The following ZBTB20 variants were observed in gnomAD, a reference collection of about 807,000 sequenced individuals.
The protein encoded by ZBTB20 is zinc finger and BTB domain-containing protein 20.
A neutral mutation model predicts 56.9 loss-of-function variants in ZBTB20; 9 were observed. That is an observed-to-expected ratio of 0.16 (90% CI 0.10 to 0.28). The LOEUF is 0.28. Ranked by LOEUF, ZBTB20 falls within the 10% of genes least tolerant of loss-of-function variation. The pLI is 1.00. For synonymous variants in ZBTB20, 417 were observed against 420.7 expected (o/e 0.99, Z 0.11); for missense variants, 655 against 1,003.0 (o/e 0.65, Z 4.69).
chr3:114,922,723 T>C (rs375732029), intron 3 of ZBTB20, among the ~76,000 whole-genome samples: 14 of 152,296 alleles, frequency 9.2e-5, no homozygotes, highest in African/African-American at 3.4e-4. Context: ...GTGAAGCCAG[T>C]GTGTGGAGAT....
At chr3:115,031,760 C>A (rs1287076250) in intron 2 of ZBTB20, among the ~76,000 whole-genome samples, 1 of 151,396 alleles carries the variant, frequency 6.6e-6, no homozygotes, top group Non-Finnish European at 1.5e-5. Flanking sequence ...TGACATTGCA[C>A]AGGAAATCAT....
chr3:115,051,611 T>C (rs897903491), intron 2 of ZBTB20, among the ~76,000 whole-genome samples: 1 of 152,198 alleles, frequency 6.6e-6, no homozygotes, highest in Non-Finnish European at 1.5e-5. Flanking sequence ...TTTCCTAAAT[T>C]GGCGAGAAAT....
At chr3:114,821,035 C>T (rs528249990) in intron 4 of ZBTB20, among the ~76,000 whole-genome samples, 2 of 152,180 alleles carry the variant, frequency 1.3e-5, no homozygotes, top group East Asian at 1.9e-4. Context: ...AGTGTATTTG[C>T]GTTTTCACAT....
intron 5 of ZBTB20, among the ~76,000 whole-genome samples, chr3:114,746,559 T>C (rs1337851971): frequency 2.0e-5 from 3 of 152,184 alleles, no homozygotes; most frequent in South Asian, 2.1e-4. Context: ...CTTCCCTTTA[T>C]TGATTTCTTG....
chr3:114,898,487 G>A (rs1247166027), intron 4 of ZBTB20, among the ~76,000 whole-genome samples: 1 of 152,058 alleles, frequency 6.6e-6, no homozygotes, highest in East Asian at 1.9e-4. Flanking sequence ...CTATGTAACT[G>A]GCAGTATGAG....
chr3:114,849,515 G>C (rs2074888671), intron 4 of ZBTB20, among the ~76,000 whole-genome samples: 1 of 152,264 alleles, frequency 6.6e-6, no homozygotes, highest in East Asian at 1.9e-4. Context: ...ACCTGAAACT[G>C]TATGCAGTGA....
At chr3:114,667,020 G>A (rs913522851) in intron 6 of ZBTB20, among the ~76,000 whole-genome samples, 4 of 151,962 alleles carry the variant, frequency 2.6e-5, no homozygotes, top group Admixed American at 1.3e-4. Context: ...GTGTAAAAGC[G>A]TAAAATGAAA....
intron 6 of ZBTB20, among the ~76,000 whole-genome samples, chr3:114,570,795 C>G (rs1393640164): frequency 6.6e-6 from 1 of 152,030 alleles, no homozygotes; most frequent in African/African-American, 2.4e-5. Context: ...GATCTGGTTG[C>G]CTTTTCATAT....
chr3:115,035,191 G>T (rs2108363384), intron 2 of ZBTB20, among the ~76,000 whole-genome samples: 2 of 151,994 alleles, frequency 1.3e-5, no homozygotes, highest in African/African-American at 2.4e-5. Flanking sequence ...CAGGCCATAG[G>T]CAATGACAAC....
intron 2 of ZBTB20, among the ~76,000 whole-genome samples, chr3:114,974,765 A>G (rs1243743156): frequency 6.6e-6 from 1 of 152,158 alleles, no homozygotes; most frequent in East Asian, 1.9e-4. Flanking sequence ...TTACTTGCTC[A>G]TTCTTATTAA....
At chr3:114,637,497 T>A (rs1490651646) in intron 6 of ZBTB20, among the ~76,000 whole-genome samples, 1 of 152,160 alleles carries the variant, frequency 6.6e-6, no homozygotes, top group South Asian at 2.1e-4. Context: ...TAGGTTCCAG[T>A]ACTTCCCAAC....
intron 6 of ZBTB20, among the ~76,000 whole-genome samples, chr3:114,583,761 A>G (rs1255603197): frequency 6.6e-6 from 1 of 152,238 alleles, no homozygotes; most frequent in Admixed American, 6.5e-5. Context: ...GGTGTAACCA[A>G]TGTGAGGTCT....
At chr3:114,512,067 G>A (rs543713500) in intron 6 of ZBTB20, among the ~76,000 whole-genome samples, 20 of 152,126 alleles carry the variant, frequency 1.3e-4, no homozygotes, top group African/African-American at 4.8e-4. Context: ...CTTTACTATG[G>A]TCTGTTAGAC....
chr3:114,796,295 G>A (rs545266996), intron 5 of ZBTB20, among the ~76,000 whole-genome samples: 5 of 152,042 alleles, frequency 3.3e-5, no homozygotes, highest in Admixed American at 6.6e-5. Flanking sequence ...CATTCCAGAT[G>A]CTGGAACAAT....
At chr3:114,919,424 C>T (rs1054673390) in intron 3 of ZBTB20, among the ~76,000 whole-genome samples, 10 of 151,970 alleles carry the variant, frequency 6.6e-5, no homozygotes, top group African/African-American at 2.2e-4. Flanking sequence ...AACTACAAAA[C>T]AGGCCAGGCA....
intron 2 of ZBTB20, among the ~76,000 whole-genome samples, chr3:115,058,099 C>T (rs1038285364): frequency 1.3e-5 from 2 of 152,008 alleles, no homozygotes; most frequent in Non-Finnish European, 2.9e-5. Flanking sequence ...GTAACCACTC[C>T]CGTGATTAAA....
chr3:114,508,105 T>A (rs544292345), intron 6 of ZBTB20, among the ~76,000 whole-genome samples: 1 of 152,298 alleles, frequency 6.6e-6, no homozygotes, highest in Non-Finnish European at 1.5e-5. Flanking sequence ...GAAAAAGTTT[T>A]TTGAAGGTCC....
chr3:114,488,969 C>T (rs1222316456), intron 7 of ZBTB20, among the ~76,000 whole-genome samples: 1 of 152,056 alleles, frequency 6.6e-6, no homozygotes, highest in African/African-American at 2.4e-5. Flanking sequence ...CAGCAAGTAA[C>T]TTCTCCTTTC....
At chr3:114,521,736 GC>G (rs200798205) in intron 6 of ZBTB20, among the ~76,000 whole-genome samples, 2,753 of 152,218 alleles carry the variant, frequency 0.018, 47 homozygotes, top group South Asian at 0.026. Context: ...TTTGGATGTT[GC>G]TGCTTTGGGT....
Sources: gnomAD v4.1 joint callset for allele counts (sites outside exome capture counted in the v4.1 genomes callset) on GRCh38, gnomAD v4.1.1 for gene constraint, MANE v1.5 for transcripts, NCBI Gene and HGNC (gene_info 2026-07-23, HGNC 2026-07-21) for gene names.